Variants in BTBD9 observed in about 807,000 individuals in gnomAD.
The protein encoded by BTBD9 is BTB/POZ domain-containing protein 9.
BTBD9 carries 49 observed loss-of-function variants against 64.3 expected under a neutral mutation model. The observed-to-expected ratio is 0.76, with a 90% CI of 0.61 to 0.97. The LOEUF (loss-of-function observed/expected upper bound fraction) is 0.97, where lower values mean the gene tolerates loss of function less well. Among genes scored for constraint, BTBD9 ranks in the 50% least tolerant of loss-of-function variants. The pLI is 0.00. For synonymous variants in BTBD9, 260 were observed against 274.7 expected, an observed-to-expected ratio of 0.95 and a Z score of 0.53; for missense variants, 598 against 762.1, an observed-to-expected ratio of 0.78 and a Z score of 2.53.
intron 9 of BTBD9, among the ~76,000 whole-genome samples, chr6:38,226,203 G>C (rs1274253846): frequency 6.6e-6 from 1 of 152,176 alleles, no homozygotes; most frequent in Admixed American, 6.5e-5. Context: ...TTTCAAAGGG[G>C]GGTGGGAGTG....
intron 8 of BTBD9, among the ~76,000 whole-genome samples, chr6:38,276,880 G>A (rs899369362): frequency 1.3e-5 from 2 of 152,064 alleles, no homozygotes; most frequent in Non-Finnish European, 2.9e-5. Flanking sequence ...TAATTAATCT[G>A]TCACTACAAA....
In BTBD9 at chr6:38,184,333, T is replaced by C. The variant is rs1031218776; in HGVS notation, c.1641+8186A>G. On this transcript the variant is annotated intron_variant, in intron 10 of 10. Transcript: ENST00000481247. This position sits in a 1 kb window ranked among gnomAD's most constrained non-coding sequence, Gnocchi z 4.4. ...CTGGCCCAGTACCTCGCATGCACCA[T>C]ACAGGGCCTCCGTGCTGCCATCTGA... is the stretch of plus-strand genomic sequence containing the variant. Among the ~76,000 whole-genome samples, 7 of 152,338 alleles carry C rather than the reference T, an allele frequency of 4.6e-5. No individual in the cohort carries two copies. The highest frequency in any genetic ancestry group is 3.4e-3 in the Middle Eastern group (1 of 294).
chr6:38,574,363 C>T (rs1775930056), intron 6 of BTBD9, among the ~76,000 whole-genome samples: 1 of 152,060 alleles, frequency 6.6e-6, no homozygotes, highest in Admixed American at 6.5e-5. Context: ...TAGACATATA[C>T]AAAGATAGGC....
chr6:38,586,576 C>A (rs868385640), intron 4 of BTBD9, among the ~76,000 whole-genome samples: 17 of 152,082 alleles, frequency 1.1e-4, no homozygotes, highest in Admixed American at 7.2e-4. Flanking sequence ...ATGAGAAGTC[C>A]CCAAAGACAC....
Position 38,477,608 on chromosome 6 carries a change from A to T in BTBD9, c.1154+99992T>A, listed in dbSNP as rs140204972. ...TATTGCCAATTCTCACATTTTACTG[A>T]GCTAACGAGCAGTATCTATATTTGC... On this transcript the variant is annotated intron_variant, in intron 6 of 10. Coordinates refer to ENST00000481247, the MANE Select transcript of BTBD9 (RefSeq NM_001099272.2). Among the ~76,000 whole-genome samples the T allele has an allele frequency of 6.0e-4, 91 of 152,306 alleles. 1 individual carries two copies. In the East Asian group the frequency reaches 0.013, roughly 22 times the overall value.
At chr6:38,407,671 C>CA (rs562875175) in intron 6 of BTBD9, among the ~76,000 whole-genome samples, 39 of 152,252 alleles carry the variant, frequency 2.6e-4, no homozygotes, top group African/African-American at 8.7e-4. Context: ...ATATGCAGGA[C>CA]AAAATCAGCT....
At chr6:38,406,106 A>G (rs2127249014) in intron 6 of BTBD9, among the ~76,000 whole-genome samples, 1 of 152,326 alleles carries the variant, frequency 6.6e-6, no homozygotes, top group Non-Finnish European at 1.5e-5. Context: ...TCCAACACAC[A>G]TTCATAGGTC....
At chr6:38,486,163 T>C (rs752375511) in intron 6 of BTBD9, among the ~76,000 whole-genome samples, 8 of 150,138 alleles carry the variant, frequency 5.3e-5, no homozygotes, top group Non-Finnish European at 1.0e-4. Flanking sequence ...AATTGAAGAG[T>C]TAGGGCCTTG....
chr6:38,310,244 TCA>T (rs1762778843), intron 7 of BTBD9, among the ~76,000 whole-genome samples: 1 of 152,126 alleles, frequency 6.6e-6, no homozygotes, highest in South Asian at 2.1e-4. Context: ...CTGGGCACTC[TCA>T]GTTCTACCCT....
chr6:38,360,814 G>A (rs1287069840), intron 6 of BTBD9, among the ~76,000 whole-genome samples: 1 of 149,256 alleles, frequency 6.7e-6, no homozygotes, highest in Non-Finnish European at 1.5e-5. Context: ...ACAACAGGAT[G>A]GAACAACAAG....
chr6:38,314,780 T>C (rs1762972489), intron 7 of BTBD9, among the ~76,000 whole-genome samples: 1 of 152,224 alleles, frequency 6.6e-6, no homozygotes, highest in Non-Finnish European at 1.5e-5. Flanking sequence ...TATTTGCTTA[T>C]AGCAGCCTCT....
Position 38,594,058 on chromosome 6 carries a change from T to C in BTBD9, c.455A>G (p.Tyr152Cys). The change falls in exon 3 of 11, where the codon TAC becomes TGC. Residue 152 changes from tyrosine to cysteine, a missense_variant. Coordinates refer to ENST00000481247, the MANE Select transcript of BTBD9 (RefSeq NM_001099272.2). ...VCMTFDVASL[Y>C]SLPKLTCMCC... ...CATACAAGTTAACTTGGGAAGTGAG[T>C]AGAGACTGGCAACATCAAAAGTCAT... 1 of 1,614,050 alleles carries C rather than the reference T, an allele frequency of 6.2e-7. No individual in the cohort carries two copies. Among genetic ancestry groups the C allele is most frequent in the African/African-American group, 1.3e-5 (1 of 75,010 alleles).
chr6:38,311,557 G>C (rs913413973), intron 7 of BTBD9, among the ~76,000 whole-genome samples: 1 of 152,130 alleles, frequency 6.6e-6, no homozygotes, highest in Non-Finnish European at 1.5e-5. Flanking sequence ...TGCAGATATC[G>C]TTTCAATATA....
intron 6 of BTBD9, among the ~76,000 whole-genome samples, chr6:38,569,898 G>A (rs567234388): frequency 4.0e-5 from 6 of 150,880 alleles, no homozygotes; most frequent in African/African-American, 1.2e-4. Context: ...AAGGTGTGAA[G>A]AGATCTTGTA....
At chr6:38,199,939 C>T (rs1489642694) in intron 9 of BTBD9, among the ~76,000 whole-genome samples, 2 of 152,212 alleles carry the variant, frequency 1.3e-5, no homozygotes, top group African/African-American at 2.4e-5. Flanking sequence ...CTACCATCCT[C>T]GAGGCTTGGG....
intron 6 of BTBD9, among the ~76,000 whole-genome samples, chr6:38,534,932 T>C (rs1392753088): frequency 6.6e-6 from 1 of 152,036 alleles, no homozygotes; most frequent in East Asian, 1.9e-4. Flanking sequence ...GAGGAAAAAC[T>C]GAAATCATTT....
chr6:38,402,635 C>G lies in BTBD9; in HGVS notation c.1155-57542G>C, dbSNP rs78742071. On this transcript the variant is annotated intron_variant, in intron 6 of 10. Coordinates refer to ENST00000481247, the MANE Select transcript of BTBD9 (RefSeq NM_001099272.2). ...CAATACAAAAGAATGAATTTAGACT[C>G]TTGCCTCACACTGTATATAAAAAGT... Among the ~76,000 whole-genome samples the G allele has an allele frequency of 4.7e-4, 71 of 152,294 alleles. No homozygotes were observed. In the East Asian group the frequency reaches 0.013, roughly 29 times the overall value.
intron 9 of BTBD9, among the ~76,000 whole-genome samples, chr6:38,199,258 T>A (rs1158296487): frequency 6.6e-6 from 1 of 151,946 alleles, no homozygotes; most frequent in Non-Finnish European, 1.5e-5. Flanking sequence ...ACCCCCCCAG[T>A]TCCCTTCCCT....
chr6:38,504,441 T>C (rs1182595685), intron 6 of BTBD9: 1 of 398,720 alleles, frequency 2.5e-6, no homozygotes, highest in Non-Finnish European at 5.1e-6. Flanking sequence ...TTCCTCCCTT[T>C]CCCTATGAAA....
Sources: allele counts gnomAD v4.1 joint callset (sites outside exome capture counted in the v4.1 genomes callset), GRCh38; gene constraint gnomAD v4.1.1; non-coding constraint Gnocchi (gnomAD v3.1); transcripts MANE v1.5; gene names NCBI Gene and HGNC (gene_info 2026-07-23, HGNC 2026-07-21).